The following SEMA5A variants were observed in gnomAD, a reference collection of about 807,000 sequenced individuals.
SEMA5A encodes semaphorin 5A, also known as semaphorin-5A.
A neutral mutation model predicts 135.5 loss-of-function variants in SEMA5A; 55 were observed. The observed-to-expected ratio is 0.41, with a 90% CI of 0.33 to 0.51. SEMA5A has a LOEUF of 0.51. Ranked by LOEUF, SEMA5A falls within the 20% of genes least tolerant of loss-of-function variation. The pLI is 0.37. For missense variants in SEMA5A, 1,290 were observed against 1,419.9 expected, an observed-to-expected ratio of 0.91 and a Z score of 1.47; for synonymous variants, 580 against 546.5, an observed-to-expected ratio of 1.06 and a Z score of -0.85.
At chr5:9,419,317 T>C (rs530633460) in intron 2 of SEMA5A, among the ~76,000 whole-genome samples, 1 of 152,356 alleles carries the variant, frequency 6.6e-6, no homozygotes, top group South Asian at 2.1e-4. Context: ...ACAGTCTGTG[T>C]GCAGATGAGA....
chr5:9,299,319 G>A (rs1751494123), intron 5 of SEMA5A, among the ~76,000 whole-genome samples: 1 of 152,216 alleles, frequency 6.6e-6, no homozygotes, highest in African/African-American at 2.4e-5. Context: ...GGCAGGAATT[G>A]ATGTGGATGG....
intron 2 of SEMA5A, among the ~76,000 whole-genome samples, chr5:9,400,135 A>G (rs1421153900): frequency 6.6e-6 from 1 of 152,166 alleles, no homozygotes; most frequent in Non-Finnish European, 1.5e-5. Context: ...AGCGAGGGGA[A>G]CATCACACAC....
chr5:9,441,891 G>C (rs1437941634), intron 1 of SEMA5A, among the ~76,000 whole-genome samples: 4 of 152,214 alleles, frequency 2.6e-5, no homozygotes, highest in African/African-American at 9.6e-5. Flanking sequence ...ACATGAGAAA[G>C]AGATGAGACT....
chr5:9,323,974 T>C (rs1016731997), intron 4 of SEMA5A, among the ~76,000 whole-genome samples: 4 of 150,788 alleles, frequency 2.7e-5, no homozygotes, highest in Admixed American at 6.6e-5. Flanking sequence ...TAAATGACTA[T>C]GGTCCATGGA....
chr5:9,447,592 G>T (rs1454057208), intron 1 of SEMA5A, among the ~76,000 whole-genome samples: 1 of 152,112 alleles, frequency 6.6e-6, no homozygotes, highest in Non-Finnish European at 1.5e-5. Context: ...CTAAACGTTT[G>T]TTTCATGTTT....
intron 1 of SEMA5A, among the ~76,000 whole-genome samples, chr5:9,441,202 G>A (rs903282808): frequency 2.0e-5 from 3 of 152,220 alleles, no homozygotes; most frequent in African/African-American, 7.2e-5. Flanking sequence ...TTTCTGCTAT[G>A]TAGTTCAGTA....
intron 21 of SEMA5A, among the ~76,000 whole-genome samples, chr5:9,047,104 T>A (rs1736304253): frequency 6.6e-6 from 1 of 152,214 alleles, no homozygotes; most frequent in African/African-American, 2.4e-5. Context: ...AATGACGCTA[T>A]ACTTAGATAA....
chr5:9,143,716 G>C (rs924783706), intron 12 of SEMA5A, among the ~76,000 whole-genome samples: 3 of 152,158 alleles, frequency 2.0e-5, no homozygotes, highest in Admixed American at 1.3e-4. Flanking sequence ...TAGGACTTGT[G>C]ATTAACTTGG....
chr5:9,422,166 A>T (rs1158741751), intron 2 of SEMA5A, among the ~76,000 whole-genome samples: 7 of 152,232 alleles, frequency 4.6e-5, no homozygotes, highest in Non-Finnish European at 8.8e-5. Flanking sequence ...AACCTTTGGC[A>T]CAGATGCCAC....
Position 9,175,499 on chromosome 5 carries a change from T to G in SEMA5A, c.1273+14768A>C, listed in dbSNP as rs996871854. On this transcript the variant is annotated intron_variant, in intron 11 of 22. Coordinates refer to ENST00000382496, the MANE Select transcript of SEMA5A (RefSeq NM_003966.3). ...ACGTTTAACACTGACAGGTAGGGGT[T>G]TGGTTTGTTCACTGACTTGATTTCA... 3.9e-5 allele frequency among the ~76,000 whole-genome samples: 6 copies of G among 152,158 alleles called. No individual in the cohort carries two copies. In the East Asian group the frequency reaches 1.2e-3, roughly 29 times the overall value.
chr5:9,211,486 C>T (rs923657390), intron 8 of SEMA5A, among the ~76,000 whole-genome samples: 3 of 152,120 alleles, frequency 2.0e-5, no homozygotes, highest in Non-Finnish European at 4.4e-5. Context: ...TCTTGCAGAC[C>T]AGTCACACCT....
intron 1 of SEMA5A, among the ~76,000 whole-genome samples, chr5:9,509,367 C>G: frequency 6.6e-6 from 1 of 152,166 alleles, no homozygotes; most frequent in East Asian, 1.9e-4. Flanking sequence ...CTCCACCTAC[C>G]GGGTTCAAGT....
At chr5:9,229,728 TAA>T (rs770820920) in intron 6 of SEMA5A, among the ~76,000 whole-genome samples, 23 of 134,866 alleles carry the variant, frequency 1.7e-4, no homozygotes, top group Admixed American at 3.0e-4. Context: ...CTTTTTCCTT[TAA>T]AAAAAAAAAA....
intron 3 of SEMA5A, among the ~76,000 whole-genome samples, chr5:9,370,494 T>C (rs570094306): frequency 1.3e-5 from 2 of 152,246 alleles, no homozygotes; most frequent in East Asian, 3.9e-4. Flanking sequence ...TCATGGAACA[T>C]GTGTGATTAG....
At chr5:9,538,452 C>G (rs1737901286) in intron 1 of SEMA5A, among the ~76,000 whole-genome samples, 1 of 152,168 alleles carries the variant, frequency 6.6e-6, no homozygotes, top group Admixed American at 6.5e-5. Flanking sequence ...GAACTTCTCC[C>G]CCATCAAAGG....
At position 9,146,436 on chromosome 5, in the gene SEMA5A, G is replaced by A. The variant is rs756445256; in HGVS notation, c.1481+8052C>T. Among the ~76,000 whole-genome samples the A allele has an allele frequency of 5.3e-5, 8 of 152,248 alleles. No homozygotes were observed. The East Asian group carries it at 5.8e-4, about 11-fold the overall frequency. Reference sequence around the variant, plus strand: ...AGAATAACTCAATCAGAGAACAATCGTTGAAAGGATGTATCATAAGTGGTG... The same window carrying A: ...AGAATAACTCAATCAGAGAACAATCATTGAAAGGATGTATCATAAGTGGTG... On this transcript the variant is annotated intron_variant, in intron 12 of 22. Transcript: ENST00000382496.
chr5:9,187,046 T>C (rs1249288553), intron 11 of SEMA5A, among the ~76,000 whole-genome samples: 1 of 152,156 alleles, frequency 6.6e-6, no homozygotes, highest in Non-Finnish European at 1.5e-5. Context: ...TAGTTATAAA[T>C]AAGAGACCGG....
chr5:9,169,792 C>T (rs115542797), intron 11 of SEMA5A, among the ~76,000 whole-genome samples: 59 of 152,288 alleles, frequency 3.9e-4, no homozygotes, highest in African/African-American at 1.3e-3. Flanking sequence ...ATGACACTGC[C>T]CTCATGATAA....
intron 1 of SEMA5A, among the ~76,000 whole-genome samples, chr5:9,465,723 G>A (rs1339400248): frequency 2.0e-5 from 3 of 152,166 alleles, no homozygotes; most frequent in African/African-American, 4.8e-5. Context: ...GGTATCCACA[G>A]GTTCTTGGAA....
Sources: gnomAD v4.1 joint callset for allele counts (sites outside exome capture counted in the v4.1 genomes callset) on GRCh38, gnomAD v4.1.1 for gene constraint, MANE v1.5 for transcripts, NCBI Gene and HGNC (gene_info 2026-07-23, HGNC 2026-07-21) for gene names.